The following WT1 variants were observed in gnomAD, a reference collection of about 807,000 sequenced individuals.
The protein encoded by WT1 is WT1 transcription factor.
WT1 carries 8 observed loss-of-function variants against 60.8 expected under a neutral mutation model. That is an observed-to-expected ratio of 0.13 (90% CI 0.08 to 0.24). The LOEUF is 0.24. WT1 is among the 10% of genes least tolerant of loss of function. WT1 has a pLI of 1.00. For missense variants in WT1, 568 were observed against 711.8 expected, an observed-to-expected ratio of 0.80 and a Z score of 2.30; for synonymous variants, 312 against 297.1, an observed-to-expected ratio of 1.05 and a Z score of -0.52.
chr11:32,423,700 A>C (rs1852928561), intron 3 of WT1, among the ~76,000 whole-genome samples: 1 of 152,196 alleles, frequency 6.6e-6, no homozygotes, highest in Non-Finnish European at 1.5e-5. Context: ...GGGGAAATTT[A>C]CTTCTCAGGG....
intron 5 of WT1, among the ~76,000 whole-genome samples, chr11:32,408,539 A>G (rs1224924435): frequency 2.1e-5 from 3 of 145,786 alleles, no homozygotes; most frequent in African/African-American, 7.9e-5. Flanking sequence ...AAAAAAAAAA[A>G]AAAAGAAAGA....
At chr11:32,396,557 T>A (rs140745134) in intron 6 of WT1, 150 bp from the exon 7 acceptor site, 8 of 975,946 alleles carry the variant, frequency 8.2e-6, no homozygotes, top group Non-Finnish European at 1.1e-5. Flanking sequence ...CAGATCCCCA[T>A]GGCAGACATC....
At position 32,389,124 on chromosome 11, in the gene WT1, T is replaced by G; in HGVS notation, c.1503A>C (p.Ser501=). 1 of 1,614,252 alleles carries G rather than the reference T, an allele frequency of 6.2e-7. No individual in the cohort carries two copies. Among genetic ancestry groups the G allele is most frequent in the Non-Finnish European group, 8.5e-7 (1 of 1,180,048 alleles). ...TGTTGTGATGGCGGACTAATTCATC[T>G]GACCGGGCAAACTTTTTCTGACAAC... The change falls in exon 10 of 10, where the codon TCA becomes TCC. Residue 501 remains serine, a synonymous_variant. Transcript: ENST00000452863.
At chr11:32,420,052 C>T (rs1852805218) in intron 3 of WT1, among the ~76,000 whole-genome samples, 1 of 152,158 alleles carries the variant, frequency 6.6e-6, no homozygotes, top group Admixed American at 6.6e-5. Context: ...AATACAAGGT[C>T]TATGTCTTAC....
chr11:32,420,329 C>T (rs1758871306), intron 3 of WT1, among the ~76,000 whole-genome samples: 1 of 152,194 alleles, frequency 6.6e-6, no homozygotes, highest in African/African-American at 2.4e-5. Flanking sequence ...GCTCCCTGCC[C>T]CTCAGTTTTC....
intron 3 of WT1, among the ~76,000 whole-genome samples, chr11:32,424,810 A>G (rs553836555): frequency 2.6e-4 from 40 of 152,270 alleles, no homozygotes; most frequent in Admixed American, 2.3e-3. Flanking sequence ...CACACTCCAC[A>G]CTGTATTTTG....
At chr11:32,403,766 G>A (rs1440527702) in intron 5 of WT1, among the ~76,000 whole-genome samples, 1 of 151,596 alleles carries the variant, frequency 6.6e-6, no homozygotes, top group African/African-American at 2.4e-5. Flanking sequence ...TAGTAGAGAC[G>A]GGGTTTCAAC....
At chr11:32,389,844 C>T (rs1050183068) in intron 9 of WT1, among the ~76,000 whole-genome samples, 1 of 152,016 alleles carries the variant, frequency 6.6e-6, no homozygotes, top group Non-Finnish European at 1.5e-5. Context: ...AAGATTGAGG[C>T]TTCTCCACCC....
chr11:32,432,668 C>G (rs1391541083), intron 1 of WT1, among the ~76,000 whole-genome samples: 1 of 152,120 alleles, frequency 6.6e-6, no homozygotes, highest in African/African-American at 2.4e-5. Context: ...CCATGGCAGC[C>G]ACGCCTGTAT....
chr11:32,416,345 G>C, intron 5 of WT1, 145 bp downstream of exon 5: 1 of 975,548 alleles, frequency 1.0e-6, no homozygotes. Context: ...TGAATAAGAA[G>C]AGGTGGGGGC....
chr11:32,388,714 G>A lies in WT1; in HGVS notation c.*344C>T, dbSNP rs972909573. 1.8e-5 allele frequency: 7 copies of A among 384,288 alleles called. No homozygotes were observed. In the East Asian group the frequency reaches 2.1e-4, roughly 11 times the overall value. 23.8% of individuals were successfully genotyped at this position (384,288 alleles called of 1,614,324 possible). A position where few individuals can be genotyped will look rare whatever the true frequency, so the allele number is the denominator to read the frequency against. ...ATGGTACAATAATTCCATCCCCAGC[G>A]AAAACGAGCATAAAAAAAGAAGGGA... is the stretch of plus-strand genomic sequence containing the variant. On this transcript the variant is annotated 3_prime_UTR_variant, in exon 10 of 10. Transcript: ENST00000452863.
chr11:32,403,611 G>A (rs962858676), intron 5 of WT1, among the ~76,000 whole-genome samples: 6 of 132,582 alleles, frequency 4.5e-5, no homozygotes, highest in African/African-American at 5.7e-5. Flanking sequence ...GTCTGGCTCT[G>A]TCGCCCAGGC....
rs1201988298 is a variant in WT1, at chr11:32,434,879, C to T, written c.482G>A (p.Cys161Tyr). 1 of 1,612,398 alleles carries T rather than the reference C, an allele frequency of 6.2e-7. No individual in the cohort carries two copies. The highest frequency in any genetic ancestry group is 8.5e-7 in the Non-Finnish European group (1 of 1,179,808). The change falls in exon 1 of 10, where the codon TGC (cysteine) becomes TAC (tyrosine). Residue 161 changes from cysteine (C) to tyrosine (Y), a missense_variant. This residue lies in a region of WT1 where 523 missense variants were observed against 565.1 expected (regional missense o/e 0.93). Transcript: ENST00000452863. ...AAAGTGGACAGTGAAGGCGCTCAGG[C>T]ACTGCTCCTCGTGCGGCTCCGCGCC...
intron 6 of WT1, among the ~76,000 whole-genome samples, chr11:32,398,984 G>A (rs369751353): frequency 8.6e-5 from 13 of 151,472 alleles, no homozygotes; most frequent in South Asian, 4.2e-4. Flanking sequence ...GTGAAACCCC[G>A]TCTCTACTAA....
intron 9 of WT1, among the ~76,000 whole-genome samples, chr11:32,390,111 C>T (rs968031012): frequency 1.3e-5 from 2 of 152,172 alleles, no homozygotes; most frequent in Admixed American, 6.5e-5. Context: ...CCGTGCTCTT[C>T]CCTGTATCAC....
intron 5 of WT1, among the ~76,000 whole-genome samples, chr11:32,412,487 G>T (rs1409139594): frequency 1.3e-5 from 2 of 151,990 alleles, no homozygotes; most frequent in Non-Finnish European, 2.9e-5. Flanking sequence ...CACAGTCAAG[G>T]TTGATGTGTT....
intron 5 of WT1, 134 bp downstream of exon 5, chr11:32,416,356 G>T: frequency 9.4e-7 from 1 of 1,066,482 alleles, no homozygotes; most frequent in Non-Finnish European, 1.4e-6. Flanking sequence ...AGGTGGGGGC[G>T]GGGGAGAGAG....
At chr11:32,396,466 G>A in intron 6 of WT1, 59 bp from the exon 7 acceptor site, 1 of 1,604,434 alleles carries the variant, frequency 6.2e-7, no homozygotes, top group Non-Finnish European at 8.5e-7. Context: ...ATTCACGTAG[G>A]TCTTGAGGGA....
chr11:32,390,490 A>G (rs1017305088), intron 9 of WT1, among the ~76,000 whole-genome samples: 3 of 152,232 alleles, frequency 2.0e-5, no homozygotes, highest in African/African-American at 4.8e-5. Context: ...GCAAGATCCC[A>G]TCCTGCCAAC....
Sources: gnomAD v4.1 joint callset for allele counts (sites outside exome capture counted in the v4.1 genomes callset) on GRCh38, gnomAD v4.1.1 for gene constraint, gnomAD v4.1.1 regional missense constraint, MANE v1.5 for transcripts, NCBI Gene and HGNC (gene_info 2026-07-23, HGNC 2026-07-21) for gene names.